PRKN: variants seen among roughly 807,000 people sequenced by gnomAD.
PRKN encodes the protein E3 ubiquitin-protein ligase parkin.
PRKN carries 56 observed loss-of-function variants against 59.5 expected under a neutral mutation model. The observed-to-expected ratio is 0.94, with a 90% CI of 0.76 to 1.18. PRKN has a LOEUF of 1.18. Among genes scored for constraint, PRKN ranks in the 50% most tolerant of loss-of-function variants. PRKN has a pLI of 0.00. For missense variants in PRKN, 657 were observed against 596.4 expected (o/e 1.10, Z -1.06); for synonymous variants, 250 against 222.1 (o/e 1.13, Z -1.12).
intron 1 of PRKN, among the ~76,000 whole-genome samples, chr6:162,501,104 C>T (rs6920074): frequency 0.31 from 46,815 of 151,976 alleles, 7,577 homozygotes; most frequent in East Asian, 0.46. Context: ...GGAGTTCAAA[C>T]TATGATCACA....
chr6:161,884,485 T>G (rs1795057980), intron 6 of PRKN, among the ~76,000 whole-genome samples: 1 of 152,234 alleles, frequency 6.6e-6, no homozygotes, highest in African/African-American at 2.4e-5. Flanking sequence ...ATAATTCGAC[T>G]CAAGTGCTTC....
intron 3 of PRKN, among the ~76,000 whole-genome samples, chr6:162,219,429 T>G (rs902023625): frequency 1.3e-5 from 2 of 152,200 alleles, no homozygotes; most frequent in Non-Finnish European, 2.9e-5. Context: ...ATTTCTATAT[T>G]AAACTGCATA....
In PRKN at chr6:161,942,662, A is replaced by G. The variant is rs368586470; in HGVS notation, c.734+30640T>C. Reference sequence around the variant, plus strand: ...ATTGCTCCCATTATACCTACCTGAAATGAAAAAACTCAAGAGATTTGACCA... The same window carrying G: ...ATTGCTCCCATTATACCTACCTGAAGTGAAAAAACTCAAGAGATTTGACCA... On this transcript the variant is annotated intron_variant, in intron 6 of 11. Transcript: ENST00000366898. Among the ~76,000 whole-genome samples, 23 of 152,342 alleles carry G rather than the reference A, an allele frequency of 1.5e-4. 2 individuals carry two copies. The highest frequency in any genetic ancestry group is 5.1e-4 in the African/African-American group (21 of 41,584).
intron 5 of PRKN, among the ~76,000 whole-genome samples, chr6:162,030,052 C>T (rs1464909927): frequency 6.6e-6 from 1 of 152,144 alleles, no homozygotes; most frequent in Non-Finnish European, 1.5e-5. Context: ...GTTGCCTATG[C>T]TGTGCTAAAA....
intron 6 of PRKN, among the ~76,000 whole-genome samples, chr6:161,915,110 C>A (rs1308306584): frequency 6.6e-6 from 1 of 152,036 alleles, no homozygotes; most frequent in Non-Finnish European, 1.5e-5. Context: ...CATGGTGAAA[C>A]CCCGTCTCTA....
At chr6:162,360,142 C>T (rs1029234426) in intron 2 of PRKN, among the ~76,000 whole-genome samples, 2 of 151,852 alleles carry the variant, frequency 1.3e-5, no homozygotes, top group African/African-American at 4.8e-5. Flanking sequence ...ACCTGGAACA[C>T]AATAAGTGGA....
At chr6:162,315,144 C>A (rs1308148838) in intron 2 of PRKN, among the ~76,000 whole-genome samples, 2 of 152,090 alleles carry the variant, frequency 1.3e-5, no homozygotes, top group Admixed American at 1.3e-4. Context: ...TCCTTAAAAA[C>A]AAACAAATGA....
chr6:162,453,445 C>A (rs1381903181), intron 1 of PRKN, among the ~76,000 whole-genome samples: 3 of 152,050 alleles, frequency 2.0e-5, no homozygotes, highest in African/African-American at 7.2e-5. Flanking sequence ...AGGAAAAAGG[C>A]AACTGAAAAT....
chr6:161,835,404 T>C (rs1792707986), intron 6 of PRKN, among the ~76,000 whole-genome samples: 2 of 152,176 alleles, frequency 1.3e-5, no homozygotes, highest in Admixed American at 1.3e-4. Flanking sequence ...CACTCTTCCG[T>C]ACCCTTGTTT....
chr6:161,889,751 T>C (rs1795276004), intron 6 of PRKN, among the ~76,000 whole-genome samples: 1 of 152,226 alleles, frequency 6.6e-6, no homozygotes, highest in African/African-American at 2.4e-5. Context: ...TAGTGTTGGT[T>C]GAGAGAATGC....
intron 7 of PRKN, among the ~76,000 whole-genome samples, chr6:161,596,655 G>A (rs1781924464): frequency 6.6e-6 from 1 of 152,042 alleles, no homozygotes; most frequent in Non-Finnish European, 1.5e-5. Flanking sequence ...CCTTCCTGGT[G>A]GTCCCTATGC....
intron 6 of PRKN, among the ~76,000 whole-genome samples, chr6:161,901,643 C>T (rs1420968219): frequency 5.3e-5 from 8 of 152,094 alleles, no homozygotes; most frequent in African/African-American, 1.7e-4. Flanking sequence ...AACAATGGAG[C>T]GGGTCTGATT....
intron 6 of PRKN, among the ~76,000 whole-genome samples, chr6:161,899,257 C>T (rs557461730): frequency 1.1e-3 from 161 of 152,244 alleles, no homozygotes; most frequent in Non-Finnish European, 2.0e-3. Context: ...TAAGGCCAGA[C>T]GGAAACATCT....
intron 4 of PRKN, among the ~76,000 whole-genome samples, chr6:162,107,226 A>G (rs1042148357): frequency 6.6e-6 from 1 of 152,226 alleles, no homozygotes; most frequent in African/African-American, 2.4e-5. Context: ...GCACTTTGGG[A>G]GGCCAAAGGG....
intron 7 of PRKN, among the ~76,000 whole-genome samples, chr6:161,688,627 G>A (rs1373680984): frequency 2.0e-5 from 3 of 152,108 alleles, no homozygotes; most frequent in East Asian, 1.9e-4. Context: ...CTAGTATAGC[G>A]GCGCAAATAC....
intron 4 of PRKN, among the ~76,000 whole-genome samples, chr6:162,067,776 T>A (rs1778399118): frequency 1.3e-5 from 2 of 152,194 alleles, no homozygotes; most frequent in Admixed American, 6.5e-5. Flanking sequence ...TGCCACAGCC[T>A]TTTTTACAGA....
chr6:162,270,781 C>G (rs897429971), intron 2 of PRKN: 2 of 151,948 alleles, frequency 1.3e-5, no homozygotes, highest in Non-Finnish European at 2.9e-5. Flanking sequence ...CTTTTTTGTG[C>G]TGAACAATCT....
At chr6:161,997,080 A>G (rs892657754) in intron 5 of PRKN, among the ~76,000 whole-genome samples, 9 of 152,194 alleles carry the variant, frequency 5.9e-5, no homozygotes, top group Admixed American at 1.3e-4. Context: ...ACAATGAAAT[A>G]CGTAATAAAC....
intron 9 of PRKN, among the ~76,000 whole-genome samples, chr6:161,426,029 A>G (rs899342641): frequency 2.0e-5 from 3 of 152,142 alleles, no homozygotes; most frequent in Non-Finnish European, 4.4e-5. Context: ...AGGGGAATTA[A>G]CAAAGATGAG....
Sources: allele counts gnomAD v4.1 joint callset (sites outside exome capture counted in the v4.1 genomes callset), GRCh38; gene constraint gnomAD v4.1.1; transcripts MANE v1.5; gene names NCBI Gene and HGNC (gene_info 2026-07-23, HGNC 2026-07-21).